Variants in KPNA7 observed in about 807,000 individuals in gnomAD.
The protein encoded by KPNA7 is importin subunit alpha-8.
Under a neutral mutation model 53.7 loss-of-function variants are expected in KPNA7, and 54 were observed. The observed-to-expected ratio is 1.01, with a 90% CI of 0.81 to 1.26. The LOEUF (loss-of-function observed/expected upper bound fraction) is 1.26. Ranked by LOEUF, KPNA7 falls within the 50% of genes most tolerant of loss-of-function variation. The pLI is 0.00. For missense variants in KPNA7, 640 were observed against 644.5 expected (o/e 0.99, Z 0.07); for synonymous variants, 276 against 259.3 (o/e 1.06, Z -0.62).
chr7:99,153,516 C>T, the KPNA7 span, among the ~76,000 whole-genome samples: 3 of 150,654 alleles, frequency 2.0e-5, no homozygotes, highest in African/African-American at 7.4e-5. Flanking sequence ...TACCATTGCA[C>T]TCCAGCCCAG....
At chr7:99,194,947 C>T (rs771519668) in intron 5 of KPNA7, 123 bp downstream of exon 5, 5 of 1,199,602 alleles carry the variant, frequency 4.2e-6, no homozygotes, top group Non-Finnish European at 5.8e-6. Flanking sequence ...CTTGCCAGCA[C>T]TTCTAGGTAT....
rs542323496 is a variant in KPNA7 at position 99,205,266 on chromosome 7, C to CA, written c.67-2027dup. On this transcript the variant is annotated intron_variant, in intron 2 of 10. Transcript: ENST00000327442. ...TTGAAACCCCATCTCTACCAAAATG[C>CA]AAAAAAAAAAATTAGCCGGGCATGG... Among the ~76,000 whole-genome samples, 1,177 of 140,348 alleles carry CA rather than the reference C, an allele frequency of 8.4e-3. 8 individuals are homozygous for CA. Among genetic ancestry groups the CA allele is most frequent in the African/African-American group, 0.023 (886 of 38,108 alleles). The allele number at this position is 140,348 out of a possible 152,430, so 92.1% of individuals were successfully genotyped here. A position where few individuals can be genotyped will look rare whatever the true frequency, so the allele number is the denominator to read the frequency against.
In KPNA7 at chr7:99,195,136, C is replaced by T. The variant is rs936229119; in HGVS notation, c.487G>A (p.Glu163Lys). ...GCCACGTTGGAGGAAGACAGGAGCT[C>T]AATCAAGGGCTGGATGGCTCCCCCT... is the stretch of plus-strand genomic sequence containing the variant. ...VEGGAIQPLI[E>K]LLSSSNVAVC... Residue 163 changes from glutamate to lysine, a missense_variant, in exon 5 of 11, where the codon GAG becomes AAG. Coordinates refer to ENST00000327442, the MANE Select transcript of KPNA7 (RefSeq NM_001145715.3). 6 of 1,551,512 alleles carry T rather than the reference C, an allele frequency of 3.9e-6. No homozygotes were observed. Among genetic ancestry groups the T allele is most frequent in the Admixed American group, 2.0e-5 (1 of 50,958 alleles).
At chr7:99,192,841 C>T (rs1238905274) in intron 6 of KPNA7, among the ~76,000 whole-genome samples, 178 bp downstream of exon 6, 1 of 152,076 alleles carries the variant, frequency 6.6e-6, no homozygotes, top group Non-Finnish European at 1.5e-5. Context: ...TTAAAGACAT[C>T]CACTTGGCCT....
intron 5 of KPNA7, 112 bp from the exon 6 acceptor site, chr7:99,193,213 G>T (rs1790055557): frequency 1.7e-6 from 1 of 603,928 alleles, no homozygotes; most frequent in Non-Finnish European, 2.7e-6. Context: ...TCATTCCCGG[G>T]TTTAGCAAGT....
intron 1 of KPNA7, among the ~76,000 whole-genome samples, chr7:99,217,062 C>T (rs1041771177): frequency 5.9e-5 from 9 of 152,158 alleles, no homozygotes; most frequent in African/African-American, 2.2e-4. Flanking sequence ...TGTCATCATC[C>T]AAGAGTTGGC....
At position 99,195,313 on chromosome 7, in the gene KPNA7, G is replaced by C; in HGVS notation, c.310C>G (p.Pro104Ala). ...GCTTCAATGACCAGTTTCAGAGGGGGGTTCTTTTCCTGGGATAGCATTTTC... is the reference window on the plus strand; with the variant it reads ...GCTTCAATGACCAGTTTCAGAGGGGCGTTCTTTTCCTGGGATAGCATTTTC... ...ARKMLSQEKN[P>A]PLKLVIEAGL... Residue 104 changes from proline (P) to alanine (A), a missense_variant, in exon 5 of 11, where the codon CCC (proline) becomes GCC (alanine). Coordinates refer to ENST00000327442, the MANE Select transcript of KPNA7 (RefSeq NM_001145715.3). 6.4e-7 allele frequency: 1 copy of C among 1,551,532 alleles called. No individual in the cohort carries two copies. Among genetic ancestry groups the C allele is most frequent in the Non-Finnish European group, 8.7e-7 (1 of 1,146,928 alleles).
At chr7:99,208,694 G>C (rs1321124619), upstream of KPNA7, among the ~76,000 whole-genome samples, 1 of 152,152 alleles carries the variant, frequency 6.6e-6, no homozygotes, top group East Asian at 1.9e-4. Flanking sequence ...GCATGAACCT[G>C]AAGTCAGCTT....
chr7:99,157,313 G>A, the KPNA7 span, among the ~76,000 whole-genome samples: 6 of 152,026 alleles, frequency 3.9e-5, no homozygotes, highest in Non-Finnish European at 8.8e-5. Context: ...AGGTTCAAGC[G>A]ATTCTCCTGC....
chr7:99,176,297 C>CAAAAAAAAAAAA (rs1491289534), intron 10 of KPNA7, among the ~76,000 whole-genome samples: 1 of 57,134 alleles, frequency 1.8e-5, no homozygotes, highest in Non-Finnish European at 3.8e-5. Flanking sequence ...GACTACGTCT[C>CAAAAAAAAAAAA]AAAAAAAAAA....
intron 8 of KPNA7, among the ~76,000 whole-genome samples, chr7:99,183,999 C>A (rs980544664): frequency 2.0e-5 from 3 of 151,982 alleles, no homozygotes; most frequent in East Asian, 1.9e-4. Flanking sequence ...AGGCACCCAC[C>A]ACCACACCTG....
intron 2 of KPNA7, among the ~76,000 whole-genome samples, chr7:99,206,464 G>GT (rs1332518917): frequency 6.6e-6 from 1 of 151,524 alleles, no homozygotes; most frequent in African/African-American, 2.4e-5. Context: ...GCCCAGCCTG[G>GT]TTTTTTATTT....
At chr7:99,195,994 AGAAACCAAATAG>A (rs898345284) in intron 4 of KPNA7, 78 bp downstream of exon 4, 1 of 1,084,792 alleles carries the variant, frequency 9.2e-7, no homozygotes, top group African/African-American at 1.6e-5. Flanking sequence ...GCCAATGCCA[AGAAACCAAATAG>A]GCCACCGGCG....
At chr7:99,149,797 T>G in the KPNA7 span, among the ~76,000 whole-genome samples, 1 of 152,192 alleles carries the variant, frequency 6.6e-6, no homozygotes, top group Non-Finnish European at 1.5e-5. Context: ...GTTGTTGTTG[T>G]TGTTTTCCAG....
At chr7:99,163,359 G>GTGTGTATATATATATATATA in the KPNA7 span, among the ~76,000 whole-genome samples, 2 of 66,418 alleles carry the variant, frequency 3.0e-5, no homozygotes, top group African/African-American at 1.2e-4. Context: ...ATGAGTGTGT[G>GTGTGTATATATATATATATA]TATATATATA....
At chr7:99,201,811 C>G (rs1186722368) in intron 3 of KPNA7, among the ~76,000 whole-genome samples, 3 of 151,912 alleles carry the variant, frequency 2.0e-5, no homozygotes, top group Admixed American at 6.6e-5. Context: ...CAGGTTCAAG[C>G]AACTCTCCTG....
At chr7:99,167,003 G>A in the KPNA7 span, among the ~76,000 whole-genome samples, 1 of 152,184 alleles carries the variant, frequency 6.6e-6, no homozygotes, top group African/African-American at 2.4e-5. Flanking sequence ...AAGTGAAGGG[G>A]ACCAAATGTC....
chr7:99,162,968 G>A, the KPNA7 span, among the ~76,000 whole-genome samples: 1 of 152,078 alleles, frequency 6.6e-6, no homozygotes, highest in Non-Finnish European at 1.5e-5. Flanking sequence ...ATCAACTGAG[G>A]TCGGGAGTTC....
At chr7:99,213,060 A>G (rs1400631362), upstream of KPNA7, among the ~76,000 whole-genome samples, 1 of 152,058 alleles carries the variant, frequency 6.6e-6, no homozygotes, top group Non-Finnish European at 1.5e-5. Flanking sequence ...AAGAGTTGAG[A>G]CATAGGGCAT....
Sources: gnomAD v4.1 joint callset for allele counts (sites outside exome capture counted in the v4.1 genomes callset) on GRCh38, gnomAD v4.1.1 for gene constraint, MANE v1.5 for transcripts, NCBI Gene and HGNC (gene_info 2026-07-23, HGNC 2026-07-21) for gene names.